The following ME1 variants were observed in gnomAD, a reference collection of about 807,000 sequenced individuals.
The protein encoded by ME1 is NADP-dependent malic enzyme.
In ME1, 74 loss-of-function variants were observed where a neutral mutation model predicts 66.4. That is an observed-to-expected ratio of 1.11 (90% confidence interval 0.92 to 1.35). The LOEUF (loss-of-function observed/expected upper bound fraction) is 1.35. Among genes scored for constraint, ME1 ranks in the 40% most tolerant of loss-of-function variants. The probability of loss-of-function intolerance (pLI) is 0.00; values close to 1 mark genes in which losing one functional copy is unlikely to be tolerated. For synonymous variants in ME1, 251 were observed against 235.6 expected, an observed-to-expected ratio of 1.07 and a Z score of -0.60; for missense variants, 750 against 694.1, an observed-to-expected ratio of 1.08 and a Z score of -0.90.
At chr6:83,407,625 C>A in intron 2 of ME1, 143 bp downstream of exon 2, 1 of 825,728 alleles carries the variant, frequency 1.2e-6, no homozygotes, top group South Asian at 2.3e-5. Flanking sequence ...TTTTTAAAAA[C>A]ATCATTGTGT....
At chr6:83,344,281 A>G (rs1294124610) in intron 5 of ME1, among the ~76,000 whole-genome samples, 1 of 130,328 alleles carries the variant, frequency 7.7e-6, no homozygotes, top group Non-Finnish European at 1.6e-5. Flanking sequence ...GCAACATCCT[A>G]TCTCTTACAA....
At chr6:83,406,210 G>A (rs866293896) in intron 2 of ME1, among the ~76,000 whole-genome samples, 6 of 152,288 alleles carry the variant, frequency 3.9e-5, no homozygotes, top group African/African-American at 1.4e-4. Flanking sequence ...GTTTTTTGAT[G>A]TGCTGCTGGA....
At chr6:83,360,669 CAG>C (rs1364313418) in intron 3 of ME1, among the ~76,000 whole-genome samples, 1 of 152,190 alleles carries the variant, frequency 6.6e-6, no homozygotes, top group Non-Finnish European at 1.5e-5. Context: ...GGAGGGATTG[CAG>C]AGATTAGTGC....
chr6:83,240,088 A>G (rs1364160866), intron 7 of ME1, among the ~76,000 whole-genome samples: 2 of 152,090 alleles, frequency 1.3e-5, no homozygotes, highest in Non-Finnish European at 2.9e-5. Flanking sequence ...TTTGAAATCT[A>G]TTAATGATCC....
chr6:83,303,390 T>G (rs1469312721), intron 6 of ME1, among the ~76,000 whole-genome samples: 1 of 152,190 alleles, frequency 6.6e-6, no homozygotes, highest in African/African-American at 2.4e-5. Flanking sequence ...GGGAATAGAA[T>G]GCAAAGCAAA....
intron 5 of ME1, among the ~76,000 whole-genome samples, chr6:83,342,132 G>A (rs1768597493): frequency 1.3e-5 from 2 of 152,182 alleles, no homozygotes; most frequent in Admixed American, 1.3e-4. Context: ...CTGATTGCAG[G>A]CCACCACTTC....
intron 6 of ME1, among the ~76,000 whole-genome samples, chr6:83,295,700 T>C (rs1220482794): frequency 1.3e-5 from 2 of 151,990 alleles, no homozygotes; most frequent in Non-Finnish European, 2.9e-5. Context: ...AGATAAGACA[T>C]GAAAAACTAT....
At chr6:83,281,806 C>CAAAAAAAAAA (rs140157932) in intron 6 of ME1, among the ~76,000 whole-genome samples, 19 of 13,286 alleles carry the variant, frequency 1.4e-3, no homozygotes, top group Non-Finnish European at 1.6e-3. Flanking sequence ...ACTCTGTCTC[C>CAAAAAAAAAA]AAAAAAAAAA....
intron 11 of ME1, among the ~76,000 whole-genome samples, chr6:83,226,602 G>C (rs1790201911): frequency 6.6e-6 from 1 of 152,104 alleles, no homozygotes. Context: ...CTAGTATTGA[G>C]CATTTAAGGA....
intron 1 of ME1, among the ~76,000 whole-genome samples, chr6:83,426,614 C>A (rs781589260): frequency 6.6e-6 from 1 of 152,200 alleles, no homozygotes; most frequent in Non-Finnish European, 1.5e-5. Flanking sequence ...AATCTTATTT[C>A]TCTCTCTTTC....
intron 3 of ME1, among the ~76,000 whole-genome samples, chr6:83,375,508 T>G (rs951605820): frequency 3.9e-5 from 6 of 152,050 alleles, no homozygotes; most frequent in African/African-American, 1.4e-4. Flanking sequence ...GACCTTGGGG[T>G]TTTCTAGATA....
chr6:83,393,104 T>G (rs1240030042), intron 3 of ME1: 1 of 1,449,132 alleles, frequency 6.9e-7, no homozygotes, highest in Non-Finnish European at 9.6e-7. Flanking sequence ...TGGCCTTCCG[T>G]GTCCCCACTG....
At chr6:83,391,766 C>T (rs1769625344) in intron 3 of ME1, among the ~76,000 whole-genome samples, 1 of 152,112 alleles carries the variant, frequency 6.6e-6, no homozygotes, top group South Asian at 2.1e-4. Context: ...CAGGCATGTT[C>T]CCACTGAGGG....
chr6:83,281,840 AGAAAACAAAAAAGAG>A (rs1562468366), intron 6 of ME1, among the ~76,000 whole-genome samples: 4 of 139,652 alleles, frequency 2.9e-5, no homozygotes, highest in African/African-American at 7.8e-5. Flanking sequence ...AAAAAAGAAA[AGAAAACAAAAAAGAG>A]AAAAAAAAAA....
intron 3 of ME1, among the ~76,000 whole-genome samples, chr6:83,367,892 G>C (rs1769128482): frequency 6.6e-6 from 1 of 152,178 alleles, no homozygotes; most frequent in Non-Finnish European, 1.5e-5. Flanking sequence ...TTGGATAACA[G>C]TTTGGCACAA....
intron 13 of ME1, among the ~76,000 whole-genome samples, chr6:83,216,066 C>A (rs977743712): frequency 5.9e-5 from 9 of 152,160 alleles, no homozygotes; most frequent in African/African-American, 2.2e-4. Context: ...CAGTTGTGAT[C>A]TGTCATTTAT....
At chr6:83,224,232 C>T (rs1269734248) in intron 11 of ME1, among the ~76,000 whole-genome samples, 1 of 152,032 alleles carries the variant, frequency 6.6e-6, no homozygotes, top group Admixed American at 6.6e-5. Context: ...GGCTCATCAA[C>T]CATTTCTATA....
intron 6 of ME1, among the ~76,000 whole-genome samples, chr6:83,283,776 C>G (rs1187580518): frequency 6.6e-6 from 1 of 152,078 alleles, no homozygotes; most frequent in Non-Finnish European, 1.5e-5. Flanking sequence ...CTTGCCACAT[C>G]AAAATTTGGA....
chr6:83,227,626 T>G, intron 10 of ME1, 149 bp from the exon 11 acceptor site: 1 of 608,848 alleles, frequency 1.6e-6, no homozygotes, highest in Non-Finnish European at 2.5e-6. Flanking sequence ...TCAAGTATAG[T>G]GACAAAAAGA....
Sources: gnomAD v4.1 joint callset for allele counts (sites outside exome capture counted in the v4.1 genomes callset) on GRCh38, gnomAD v4.1.1 for gene constraint, MANE v1.5 for transcripts, NCBI Gene and HGNC (gene_info 2026-07-23, HGNC 2026-07-21) for gene names.